Variants in DERL2 observed in about 807,000 individuals in gnomAD.
DERL2 encodes the protein derlin 2.
DERL2 carries 13 observed loss-of-function variants against 32.0 expected under a neutral mutation model. That is an observed-to-expected ratio of 0.41 (90% CI 0.26 to 0.65). The LOEUF (loss-of-function observed/expected upper bound fraction) is 0.65. DERL2 is among the 30% of genes least tolerant of loss of function. DERL2 has a pLI of 0.35. For missense variants in DERL2, 208 were observed against 296.3 expected, an observed-to-expected ratio of 0.70 and a Z score of 2.19; for synonymous variants, 111 against 104.7, an observed-to-expected ratio of 1.06 and a Z score of -0.37.
At chr17:5,479,143 G>A (rs1464742135) in intron 6 of DERL2, among the ~76,000 whole-genome samples, 1 of 152,124 alleles carries the variant, frequency 6.6e-6, no homozygotes, top group Admixed American at 6.5e-5. Context: ...CTATGTTAAA[G>A]GCCTAGCCCA....
In DERL2 at chr17:5,485,219, G is replaced by T; in HGVS notation, c.94-3C>A. On this transcript the variant is annotated splice_polypyrimidine_tract_variant and splice_region_variant and intron_variant, in intron 1 of 6. Coordinates refer to ENST00000158771, the MANE Select transcript of DERL2 (RefSeq NM_016041.5). ...AAAGGTGTGATCAATTCCAACTGCT[G>T]AAATAGAAAAAGAGCTTCTTAAAGC... The T allele has an allele frequency of 6.4e-7, 1 of 1,573,562 alleles. No individual in the cohort carries two copies. Among genetic ancestry groups the T allele is most frequent in the Admixed American group, 2.0e-5 (1 of 50,214 alleles).
rs1349711104 is a variant in DERL2, at chr17:5,472,212, T to C, written c.*2472A>G. On this transcript the variant is annotated 3_prime_UTR_variant, in exon 7 of 7. Transcript: ENST00000158771. Reference sequence around the variant, plus strand: ...AGTCAAGTGTGCTTTTCAGTATCACTAGAAGAATCCAGGAATCCCTCAAAT... The same window carrying C: ...AGTCAAGTGTGCTTTTCAGTATCACCAGAAGAATCCAGGAATCCCTCAAAT... 2.0e-5 allele frequency: 3 copies of C among 152,256 alleles called. No homozygotes were observed. Among genetic ancestry groups the C allele is most frequent in the Non-Finnish European group, 4.4e-5 (3 of 68,050 alleles). 9.4% of individuals were successfully genotyped at this position (152,256 alleles called of 1,614,324 possible).
intron 6 of DERL2, 74 bp downstream of exon 6, chr17:5,479,980 G>C: frequency 1.1e-6 from 1 of 918,060 alleles, no homozygotes; most frequent in Non-Finnish European, 1.7e-6. Flanking sequence ...AGCTAGGGGA[G>C]CCAAAGAAAA....
chr17:5,486,188 CCCACCCA>C, upstream of DERL2: 1 of 1,131,932 alleles, frequency 8.8e-7, no homozygotes, highest in Non-Finnish European at 1.2e-6. Context: ...TGCCCCACCC[CCCACCCA>C]CCCCATTTCC....
In DERL2 at chr17:5,480,081, A is replaced by T; in HGVS notation, c.587T>A (p.Ile196Lys). The T allele has an allele frequency of 6.2e-7, 1 of 1,609,706 alleles. No homozygotes were observed. Among genetic ancestry groups the T allele is most frequent in the Non-Finnish European group, 8.5e-7 (1 of 1,176,502 alleles). ...AATAGATGGTGTTTTCAGAATTCTT[A>T]TTCCACCAGGTTGATTGGGAAATAC... ...EDVFPNQPGG[I>K]RILKTPSILK... is the part of the protein sequence containing the mutation. The change falls in exon 6 of 7, where the codon ATA becomes AAA. Residue 196 changes from isoleucine (I) to lysine (K), a missense_variant. Transcript: ENST00000158771.
chr17:5,486,194 C>A (rs1437884375), upstream of DERL2: 4 of 1,214,740 alleles, frequency 3.3e-6, no homozygotes, highest in South Asian at 1.3e-5. Flanking sequence ...ACCCCCCACC[C>A]ACCCCATTTC....
At chr17:5,475,109 T>A (rs988318665) in intron 6 of DERL2, among the ~76,000 whole-genome samples, 3 of 152,206 alleles carry the variant, frequency 2.0e-5, no homozygotes, top group Non-Finnish European at 4.4e-5. Flanking sequence ...AATTTTTACA[T>A]TATGTCATTT....
chr17:5,483,830 T>TA (rs1422853835), intron 2 of DERL2, among the ~76,000 whole-genome samples: 14 of 152,192 alleles, frequency 9.2e-5, no homozygotes, highest in African/African-American at 3.4e-4. Flanking sequence ...AAGCAAGACT[T>TA]ACTTGGATGG....
intron 6 of DERL2, among the ~76,000 whole-genome samples, chr17:5,478,348 C>G (rs1905526110): frequency 6.6e-6 from 1 of 152,156 alleles, no homozygotes; most frequent in African/African-American, 2.4e-5. Context: ...GCACTCCAGC[C>G]TGGGCAATGG....
chr17:5,478,523 A>G (rs1026864354), intron 6 of DERL2, among the ~76,000 whole-genome samples: 1 of 152,264 alleles, frequency 6.6e-6, no homozygotes, highest in African/African-American at 2.4e-5. Context: ...ATGAACAGTT[A>G]TAAATGCTAG....
At chr17:5,485,942 C>T in intron 1 of DERL2, 127 bp downstream of exon 1, 1 of 744,772 alleles carries the variant, frequency 1.3e-6, no homozygotes, top group African/African-American at 1.8e-5. Flanking sequence ...CCAGAGTAAT[C>T]CCTGTACGCC....
At chr17:5,476,615 C>G (rs2151700877) in intron 6 of DERL2, among the ~76,000 whole-genome samples, 1 of 152,208 alleles carries the variant, frequency 6.6e-6, no homozygotes, top group South Asian at 2.1e-4. Flanking sequence ...AACCCTATCT[C>G]TACTAAAAAT....
chr17:5,484,146 C>T (rs541516533), intron 2 of DERL2, among the ~76,000 whole-genome samples: 1 of 152,252 alleles, frequency 6.6e-6, no homozygotes, highest in South Asian at 2.1e-4. Flanking sequence ...ACATTTGAGA[C>T]AGACAGAACA....
chr17:5,478,874 C>T (rs1175813893), intron 6 of DERL2, among the ~76,000 whole-genome samples: 1 of 152,190 alleles, frequency 6.6e-6, no homozygotes, highest in Non-Finnish European at 1.5e-5. Context: ...GCCCGAAGTG[C>T]AGTGGTGCGA....
Position 5,480,378 on chromosome 17 carries a change from G to A in DERL2, c.523+9C>T, listed in dbSNP as rs1235404853. The A allele has an allele frequency of 8.7e-6, 14 of 1,603,348 alleles. No individual in the cohort carries two copies. Among genetic ancestry groups the A allele is most frequent in the Non-Finnish European group, 1.2e-5 (14 of 1,176,790 alleles). ...AAAATAATTTAAAAAATAGTGAGAA[G>A]AGCCTTACCCAAAAGGTCCACAATG... On this transcript the variant is annotated intron_variant, in intron 5 of 6. Coordinates refer to ENST00000158771, the MANE Select transcript of DERL2 (RefSeq NM_016041.5).
At chr17:5,475,185 C>A (rs1428849556) in intron 6 of DERL2, among the ~76,000 whole-genome samples, 3 of 152,108 alleles carry the variant, frequency 2.0e-5, no homozygotes, top group Non-Finnish European at 4.4e-5. Context: ...TTAATGTTTC[C>A]CCATAACCAA....
chr17:5,486,388 T>A, upstream of DERL2: 1 of 407,974 alleles, frequency 2.5e-6, no homozygotes, highest in Non-Finnish European at 4.3e-6. Context: ...CCCCACCCTC[T>A]CTTCTCCACC....
chr17:5,474,510 C>T lies in DERL2; in HGVS notation c.*174G>A. 1.9e-6 allele frequency: 1 copy of T among 527,656 alleles called. No individual in the cohort carries two copies. Among genetic ancestry groups the T allele is most frequent in the Non-Finnish European group, 3.3e-6 (1 of 301,024 alleles). The allele number at this position is 527,656 out of a possible 1,614,324, so 32.7% of individuals were successfully genotyped here. A position where few individuals can be genotyped will look rare whatever the true frequency, so the allele number is the denominator to read the frequency against. On this transcript the variant is annotated 3_prime_UTR_variant, in exon 7 of 7. Coordinates refer to ENST00000158771, the MANE Select transcript of DERL2 (RefSeq NM_016041.5). The surrounding 1 kb of genome is among the most constrained non-coding windows in gnomAD (Gnocchi z 4.3). ...TACCAGTGTAGTGAGGAACCACTGG[C>T]AAACTGTTGGAAATGTCTTCTGGAT... is the stretch of plus-strand genomic sequence containing the variant.
Position 5,481,505 on chromosome 17 carries a change from T to C in DERL2, c.234-116A>G. 1.4e-6 allele frequency: 1 copy of C among 731,224 alleles called. No homozygotes were observed. Among genetic ancestry groups the C allele is most frequent in the Non-Finnish European group, 2.3e-6 (1 of 430,758 alleles). 45.3% of individuals were successfully genotyped at this position (731,224 alleles called of 1,614,324 possible). A position where few individuals can be genotyped will look rare whatever the true frequency, so the allele number is the denominator to read the frequency against. ...TTATTTGTAATTAGTCAAGTCTTCA[T>C]TTGTATAAGAATGTTTGAGTGGTAA... On this transcript the variant is annotated intron_variant, in intron 3 of 6. Coordinates refer to ENST00000158771, the MANE Select transcript of DERL2 (RefSeq NM_016041.5). This position sits in a 1 kb window ranked among gnomAD's most constrained non-coding sequence, Gnocchi z 4.4.
Sources: gnomAD v4.1 joint callset for allele counts (sites outside exome capture counted in the v4.1 genomes callset) on GRCh38, gnomAD v4.1.1 for gene constraint, Gnocchi (gnomAD v3.1) non-coding constraint, MANE v1.5 for transcripts, NCBI Gene and HGNC (gene_info 2026-07-23, HGNC 2026-07-21) for gene names.